The following GPBP1 variants were observed in gnomAD, a reference collection of about 807,000 sequenced individuals.
The protein encoded by GPBP1 is vasculin.
In GPBP1, 13 loss-of-function variants were observed where a neutral mutation model predicts 56.5. The observed-to-expected ratio is 0.23, with a 90% CI of 0.15 to 0.37. The LOEUF (loss-of-function observed/expected upper bound fraction) is 0.37, where lower values mean the gene tolerates loss of function less well. Ranked by LOEUF, GPBP1 falls within the 10% of genes least tolerant of loss-of-function variation. The probability of loss-of-function intolerance (pLI) is 1.00; values close to 1 mark genes in which losing one functional copy is unlikely to be tolerated. For synonymous variants in GPBP1, 204 were observed against 188.9 expected (o/e 1.08, Z -0.66); for missense variants, 477 against 572.3 (o/e 0.83, Z 1.70).
At chr5:57,207,029 A>C (rs993814979) in intron 2 of GPBP1, among the ~76,000 whole-genome samples, 4 of 152,082 alleles carry the variant, frequency 2.6e-5, no homozygotes, top group African/African-American at 9.7e-5. Context: ...GTTTGCACCC[A>C]GGTGGTGGAG....
intron 3 of GPBP1, among the ~76,000 whole-genome samples, chr5:57,222,364 C>A (rs1580031073): frequency 6.6e-6 from 1 of 152,172 alleles, no homozygotes; most frequent in East Asian, 1.9e-4. Flanking sequence ...GAATAGGAAG[C>A]CATATGTATC....
At chr5:57,254,184 C>T (rs1741527490) in intron 10 of GPBP1, among the ~76,000 whole-genome samples, 1 of 152,200 alleles carries the variant, frequency 6.6e-6, no homozygotes, top group South Asian at 2.1e-4. Flanking sequence ...CCTTGGCCTC[C>T]CAGAGTGCTG....
chr5:57,232,980 T>A (rs755125285), intron 5 of GPBP1, among the ~76,000 whole-genome samples: 18 of 152,226 alleles, frequency 1.2e-4, no homozygotes, highest in Non-Finnish European at 2.4e-4. Flanking sequence ...GGAAAGGATT[T>A]AAATTGAATG....
chr5:57,242,031 C>T (rs1740859765), intron 6 of GPBP1, among the ~76,000 whole-genome samples: 3 of 152,214 alleles, frequency 2.0e-5, no homozygotes, highest in Admixed American at 1.3e-4. Context: ...CCATTACTTA[C>T]AGGTTATTGT....
intron 5 of GPBP1, among the ~76,000 whole-genome samples, chr5:57,235,281 G>A (rs968664721): frequency 6.6e-6 from 1 of 151,994 alleles, no homozygotes; most frequent in Non-Finnish European, 1.5e-5. Flanking sequence ...CACTCCACCT[G>A]GGTGATAGAG....
chr5:57,251,085 G>C lies in GPBP1; in HGVS notation c.1104G>C (p.Arg368=). 1.2e-6 allele frequency: 2 copies of C among 1,612,700 alleles called. No individual in the cohort carries two copies. Among genetic ancestry groups the C allele is most frequent in the Non-Finnish European group, 1.7e-6 (2 of 1,179,600 alleles). Residue 368 remains arginine (R), a synonymous_variant, in exon 10 of 12, where the codon CGG becomes CGC. Transcript: ENST00000506184. The part of the protein sequence containing the change: ...NASVISQQII[R]SSTFPQTDVL... ...CAGTGATTTCCCAGCAGATCATTCGGTCTTCAACCTTCCCACAAACTGATG... is the reference window on the plus strand; with the variant it reads ...CAGTGATTTCCCAGCAGATCATTCGCTCTTCAACCTTCCCACAAACTGATG...
At chr5:57,198,321 C>T (rs1005489874) in intron 2 of GPBP1, among the ~76,000 whole-genome samples, 24 of 152,160 alleles carry the variant, frequency 1.6e-4, no homozygotes, top group African/African-American at 5.5e-4. Context: ...TGAAGTGGCT[C>T]ATGGCCTTTT....
At chr5:57,186,975 T>G (rs772925860) in intron 2 of GPBP1, among the ~76,000 whole-genome samples, 27 of 151,310 alleles carry the variant, frequency 1.8e-4, no homozygotes, top group Non-Finnish European at 3.5e-4. Flanking sequence ...AAAATCAAAT[T>G]ATGTGTGTCT....
chr5:57,257,774 T>C (rs543098085), intron 10 of GPBP1, among the ~76,000 whole-genome samples: 14 of 152,266 alleles, frequency 9.2e-5, no homozygotes, highest in African/African-American at 3.4e-4. Context: ...AAGATTTAAT[T>C]GGGACCTAAA....
intron 2 of GPBP1, among the ~76,000 whole-genome samples, chr5:57,192,400 C>T (rs1344788602): frequency 6.6e-6 from 1 of 152,016 alleles, no homozygotes; most frequent in Admixed American, 6.6e-5. Flanking sequence ...GTGATTGAGA[C>T]CTGTATTTTG....
intron 2 of GPBP1, among the ~76,000 whole-genome samples, chr5:57,199,771 T>C (rs1484099159): frequency 6.6e-6 from 1 of 152,102 alleles, no homozygotes; most frequent in African/African-American, 2.4e-5. Context: ...CCTTGCCTGC[T>C]GGATTAACTT....
chr5:57,216,993 AAT>A (rs963680333), intron 3 of GPBP1, among the ~76,000 whole-genome samples: 5 of 152,186 alleles, frequency 3.3e-5, no homozygotes, highest in Admixed American at 1.3e-4. Context: ...TATAAATAAA[AAT>A]AGAATAGTTT....
At chr5:57,229,898 T>A (rs1056362537) in intron 3 of GPBP1, among the ~76,000 whole-genome samples, 2 of 149,500 alleles carry the variant, frequency 1.3e-5, no homozygotes, top group African/African-American at 2.5e-5. Flanking sequence ...TGAGACGACT[T>A]GTTAAAATTT....
At chr5:57,224,246 CT>C (rs1234096946) in intron 3 of GPBP1, among the ~76,000 whole-genome samples, 2,025 of 139,418 alleles carry the variant, frequency 0.015, 29 homozygotes, top group African/African-American at 0.043. Context: ...TCCTGATCCT[CT>C]TTTTTTTTTT....
chr5:57,205,221 GCTTCT>G (rs1186096281), intron 2 of GPBP1, among the ~76,000 whole-genome samples: 1 of 152,090 alleles, frequency 6.6e-6, no homozygotes, highest in Non-Finnish European at 1.5e-5. Flanking sequence ...TTTGTGTCTG[GCTTCT>G]CTTTGTTTTT....
intron 2 of GPBP1, among the ~76,000 whole-genome samples, chr5:57,188,402 C>T (rs1274979269): frequency 2.0e-5 from 3 of 152,102 alleles, no homozygotes; most frequent in Admixed American, 6.6e-5. Flanking sequence ...AGGCTTATAG[C>T]TTAACTGCCG....
intron 2 of GPBP1, among the ~76,000 whole-genome samples, chr5:57,184,888 A>G (rs566994443): frequency 1.3e-5 from 2 of 152,236 alleles, no homozygotes; most frequent in South Asian, 2.1e-4. Context: ...CCTTTCATGC[A>G]TGTTGTTTCA....
chr5:57,257,003 A>G (rs531399912), intron 10 of GPBP1, among the ~76,000 whole-genome samples: 291 of 152,078 alleles, frequency 1.9e-3, no homozygotes, highest in African/African-American at 6.6e-3. Flanking sequence ...ATATTAGTTG[A>G]ATTCAATAAT....
At position 57,251,124 on chromosome 5, in the gene GPBP1, A is replaced by G. The variant is rs749092325; in HGVS notation, c.1143A>G (p.Ser381=). ...TFPQTDVLSS[S]LEAEHRLLKE... ...CACAAACTGATGTTCTTTCAAGTTC[A>G]CTTGAGGCAGAACACAGGCTAGTAT... The change falls in exon 10 of 12, where the codon TCA becomes TCG. Residue 381 remains serine (S), a synonymous_variant. Coordinates refer to ENST00000506184, the MANE Select transcript of GPBP1 (RefSeq NM_022913.4). 35 of 1,608,530 alleles carry G rather than the reference A, an allele frequency of 2.2e-5. No individual in the cohort carries two copies. Among genetic ancestry groups the G allele is most frequent in the Non-Finnish European group, 3.0e-5 (35 of 1,178,380 alleles).
Sources: gnomAD v4.1 joint callset for allele counts (sites outside exome capture counted in the v4.1 genomes callset) on GRCh38, gnomAD v4.1.1 for gene constraint, MANE v1.5 for transcripts, NCBI Gene and HGNC (gene_info 2026-07-23, HGNC 2026-07-21) for gene names.